Variants in REPS2 observed in about 807,000 individuals in gnomAD.
REPS2 encodes RALBP1 associated Eps domain containing 2, also known as ralBP1-associated Eps domain-containing protein 2.
A neutral mutation model predicts 53.6 loss-of-function variants in REPS2; 23 were observed. The observed-to-expected ratio is 0.43, with a 90% CI of 0.31 to 0.61. REPS2 has a LOEUF of 0.61. Among genes scored for constraint, REPS2 ranks in the 20% least tolerant of loss-of-function variants. REPS2 has a pLI of 0.11. For missense variants in REPS2, 446 were observed against 534.9 expected (o/e 0.83, Z 1.64); for synonymous variants, 238 against 218.6 (o/e 1.09, Z -0.78).
At chrX:17,036,866 G>GTA (rs1277287856) in intron 5 of REPS2, among the ~76,000 whole-genome samples, 1 of 110,017 alleles carries the variant, frequency 9.1e-6, no homozygotes, top group Non-Finnish European at 1.9e-5. Flanking sequence ...GTGTGTGTGT[G>GTA]TGTTAGGAAG....
chrX:17,147,254 AT>A (rs1170265328), intron 17 of REPS2, among the ~76,000 whole-genome samples, 158 bp from the exon 18 acceptor site: 2 of 111,922 alleles, frequency 1.8e-5, no homozygotes, highest in Non-Finnish European at 3.8e-5. Flanking sequence ...GGTCACCAGC[AT>A]TAAATCTGAT....
intron 13 of REPS2, among the ~76,000 whole-genome samples, chrX:17,092,053 A>G (rs1266291402): frequency 1.8e-5 from 2 of 111,467 alleles, no homozygotes; most frequent in East Asian, 5.6e-4. Context: ...AAATATTCCT[A>G]GTTAGGGGGG....
chrX:16,951,121 A>G (rs1024214322), intron 1 of REPS2, among the ~76,000 whole-genome samples: 5 of 112,220 alleles, frequency 4.5e-5, no homozygotes, highest in African/African-American at 1.6e-4. Flanking sequence ...ACCACACACT[A>G]TGCCTTCTAG....
Position 17,032,889 on chromosome X carries a change from A to AT in REPS2, c.771+3273dup, listed in dbSNP as rs766885503. Among the ~76,000 whole-genome samples, 385 of 111,712 alleles carry AT rather than the reference A, an allele frequency of 3.4e-3. 1 individual carries two copies. Among genetic ancestry groups the AT allele is most frequent in the African/African-American group, 0.012 (369 of 30,776 alleles). ...AATTTCACTTTTGTTCGGGTGTTGG[A>AT]TTTTTTTCCCTTTGAAATTTCAGAC... is the stretch of plus-strand genomic sequence containing the variant. On this transcript the variant is annotated intron_variant, in intron 5 of 17. Coordinates refer to ENST00000357277, the MANE Select transcript of REPS2 (RefSeq NM_004726.3).
intron 5 of REPS2, among the ~76,000 whole-genome samples, chrX:17,041,813 C>T (rs1008932851): frequency 1.8e-5 from 2 of 112,345 alleles, no homozygotes; most frequent in African/African-American, 6.5e-5. Context: ...ACAATACACA[C>T]ACCCTTCTTA....
intron 1 of REPS2, among the ~76,000 whole-genome samples, chrX:16,984,076 C>T (rs961221826): frequency 4.4e-5 from 5 of 112,681 alleles, no homozygotes; most frequent in Admixed American, 3.7e-4. Flanking sequence ...ACACAACAAA[C>T]AGTTATTGTC....
chrX:17,027,182 TTA>T (rs1306082067), intron 4 of REPS2, among the ~76,000 whole-genome samples: 1 of 111,550 alleles, frequency 9.0e-6, no homozygotes, highest in East Asian at 2.8e-4. Flanking sequence ...AACATATCCA[TTA>T]TGCCAGAGAT....
At chrX:16,991,011 A>G (rs1171716452) in intron 1 of REPS2, among the ~76,000 whole-genome samples, 1 of 110,692 alleles carries the variant, frequency 9.0e-6, no homozygotes, top group Non-Finnish European at 1.9e-5. Context: ...CATGTGAGTG[A>G]GTCCCTGTGC....
chrX:16,964,641 G>A (rs1478680619), intron 1 of REPS2, among the ~76,000 whole-genome samples: 1 of 105,161 alleles, frequency 9.5e-6, no homozygotes, highest in African/African-American at 3.5e-5. Context: ...CGGACGGGGC[G>A]GCTGGCCGGA....
chrX:17,057,514 A>C (rs1021127916), intron 8 of REPS2, among the ~76,000 whole-genome samples: 3 of 111,957 alleles, frequency 2.7e-5, no homozygotes, highest in African/African-American at 9.8e-5. Flanking sequence ...AAACCTACTA[A>C]TTTCTGGACT....
chrX:17,026,786 C>T (rs1443745279), intron 4 of REPS2, among the ~76,000 whole-genome samples: 3 of 110,636 alleles, frequency 2.7e-5, no homozygotes, highest in Non-Finnish European at 5.7e-5. Flanking sequence ...AAAATGTACC[C>T]GTTTTATTTG....
intron 14 of REPS2, among the ~76,000 whole-genome samples, chrX:17,105,515 T>C (rs1249373194): frequency 8.9e-6 from 1 of 112,336 alleles, no homozygotes; most frequent in African/African-American, 3.2e-5. Flanking sequence ...TGAGGTGGGC[T>C]TCTTGCCTGC....
intron 5 of REPS2, among the ~76,000 whole-genome samples, chrX:17,031,451 T>G (rs1368397269): frequency 8.9e-6 from 1 of 112,083 alleles, no homozygotes; most frequent in Non-Finnish European, 1.9e-5. Flanking sequence ...TCATGAGCCC[T>G]TCACTCAACT....
intron 14 of REPS2, among the ~76,000 whole-genome samples, chrX:17,124,889 C>T (rs1041124371): frequency 8.5e-4 from 83 of 98,125 alleles, no homozygotes; most frequent in Non-Finnish European, 1.5e-3. Context: ...CAGAGTCTTG[C>T]TCTGTCACCC....
In REPS2 at chrX:16,952,921, T is replaced by C. The variant is rs572490053; in HGVS notation, c.273+5787T>C. On this transcript the variant is annotated intron_variant, in intron 1 of 17. Transcript: ENST00000357277. ...CGGGCAGATCAGCTGAGGTCAGGAG[T>C]TTGAAACCAGCCTGGCCAACATAGC... Among the ~76,000 whole-genome samples the C allele has an allele frequency of 6.3e-4, 69 of 109,375 alleles. 1 individual carries two copies. The highest frequency in any genetic ancestry group is 5.5e-3 in the South Asian group (14 of 2,550). 95.0% of individuals were successfully genotyped at this position (109,375 alleles called of 115,157 possible).
At chrX:16,969,000 C>T (rs1483606889) in intron 1 of REPS2, among the ~76,000 whole-genome samples, 1 of 110,615 alleles carries the variant, frequency 9.0e-6, no homozygotes, top group African/African-American at 3.3e-5. Flanking sequence ...GGGCTCCTCA[C>T]TTTTCAGACG....
At chrX:16,963,800 C>T (rs997749306) in intron 1 of REPS2, among the ~76,000 whole-genome samples, 2 of 111,080 alleles carry the variant, frequency 1.8e-5, no homozygotes, top group Non-Finnish European at 3.8e-5. Flanking sequence ...TACTTATAAA[C>T]CAAGAAGTAG....
chrX:16,955,706 C>A (rs1360863807), intron 1 of REPS2, among the ~76,000 whole-genome samples: 3 of 111,930 alleles, frequency 2.7e-5, no homozygotes, highest in African/African-American at 9.8e-5. Context: ...TTAGCTCAGA[C>A]ACCTTTGCCA....
intron 9 of REPS2, among the ~76,000 whole-genome samples, chrX:17,064,971 T>C (rs756418912): frequency 2.3e-3 from 263 of 112,959 alleles, no homozygotes; most frequent in Non-Finnish European, 4.3e-3. Flanking sequence ...CATTCCTTTT[T>C]AATGCTGAAT....
Sources: allele counts gnomAD v4.1 joint callset (sites outside exome capture counted in the v4.1 genomes callset), GRCh38; gene constraint gnomAD v4.1.1; transcripts MANE v1.5; gene names NCBI Gene and HGNC (gene_info 2026-07-23, HGNC 2026-07-21).